GPBP1L1: variants seen among roughly 807,000 people sequenced by gnomAD.
GPBP1L1 encodes GC-rich promoter binding protein 1 like 1.
A neutral mutation model predicts 52.5 loss-of-function variants in GPBP1L1; 23 were observed. The observed-to-expected ratio is 0.44, with a 90% CI of 0.32 to 0.62. The LOEUF is 0.62. Ranked by LOEUF, GPBP1L1 falls within the 20% of genes least tolerant of loss-of-function variation. The probability of loss-of-function intolerance (pLI) is 0.06; values close to 1 mark genes in which losing one functional copy is unlikely to be tolerated. For missense variants in GPBP1L1, 596 were observed against 579.3 expected (o/e 1.03, Z -0.30); for synonymous variants, 243 against 203.1 (o/e 1.20, Z -1.67).
At chr1:45,642,891 A>T (rs1330192563) in intron 6 of GPBP1L1, among the ~76,000 whole-genome samples, 1 of 152,242 alleles carries the variant, frequency 6.6e-6, no homozygotes, top group African/African-American at 2.4e-5. Context: ...TGAAATGTAT[A>T]GTATTCACTG....
rs1022572162 is a variant in GPBP1L1, at chr1:45,660,997, G to C, written c.-869C>G. 6.6e-6 allele frequency: 1 copy of C among 152,106 alleles called. No individual in the cohort carries two copies. Among genetic ancestry groups the C allele is most frequent in the Non-Finnish European group, 1.5e-5 (1 of 68,028 alleles). The allele number at this position is 152,106 out of a possible 1,614,324, so 9.4% of individuals were successfully genotyped here. A position where few individuals can be genotyped will look rare whatever the true frequency, so the allele number is the denominator to read the frequency against. On this transcript the variant is annotated 5_prime_UTR_variant, in exon 3 of 13. Transcript: ENST00000355105. ...GCAAAGTTAAAACATTAGAACGATG[G>C]GTAGGATGGATATTAAGAAATAGTC...
intron 8 of GPBP1L1, among the ~76,000 whole-genome samples, chr1:45,636,935 T>C (rs1232746517): frequency 2.6e-5 from 4 of 152,190 alleles, no homozygotes; most frequent in Admixed American, 6.5e-5. Flanking sequence ...CTATCACTTA[T>C]TAGCTATGTA....
intron 2 of GPBP1L1, among the ~76,000 whole-genome samples, chr1:45,674,742 T>C (rs150393355): frequency 1.4e-4 from 22 of 152,348 alleles, no homozygotes; most frequent in African/African-American, 5.1e-4. Flanking sequence ...TGCCAGATGA[T>C]TCTGCCCAAC....
chr1:45,655,190 C>T lies in GPBP1L1; in HGVS notation c.190G>A (p.Asp64Asn), dbSNP rs745524126. The change falls in exon 5 of 13, where the codon GAT becomes AAT. Residue 64 changes from aspartate to asparagine, a missense_variant and splice_region_variant. Asp to Asn is a conservative substitution (Grantham distance 23). Transcript: ENST00000355105. ...GTCATGAAAGTTGGACATGGCTCAC[C>T]TCCTGCAGTTCGTAGGGGACCATTG... is the stretch of plus-strand genomic sequence containing the variant. ...FNNGPLRTAG[D>N]SWHQPSLFRH... 1 of 1,614,058 alleles carries T rather than the reference C, an allele frequency of 6.2e-7. No homozygotes were observed. Among genetic ancestry groups the T allele is most frequent in the Non-Finnish European group, 8.5e-7 (1 of 1,179,982 alleles).
At chr1:45,684,384 T>C (rs930309220) in intron 2 of GPBP1L1, among the ~76,000 whole-genome samples, 1 of 151,816 alleles carries the variant, frequency 6.6e-6, no homozygotes, top group Non-Finnish European at 1.5e-5. Flanking sequence ...AATAAAGATA[T>C]GCAATCTTCT....
intron 11 of GPBP1L1, 90 bp downstream of exon 11, chr1:45,630,392 G>A (rs1557692636): frequency 2.8e-6 from 4 of 1,448,880 alleles, no homozygotes; most frequent in East Asian, 4.6e-5. Context: ...CTCTGCATGT[G>A]GGACCTATCT....
intron 2 of GPBP1L1, among the ~76,000 whole-genome samples, chr1:45,664,923 C>T (rs1303248775): frequency 6.6e-6 from 1 of 152,048 alleles, no homozygotes; most frequent in Non-Finnish European, 1.5e-5. Flanking sequence ...AAATGATCCA[C>T]CGCCTGGGCC....
intron 2 of GPBP1L1, among the ~76,000 whole-genome samples, chr1:45,670,781 A>G (rs1011591845): frequency 4.9e-5 from 7 of 144,234 alleles, no homozygotes; most frequent in Non-Finnish European, 7.5e-5. Flanking sequence ...CACTACTACC[A>G]TATGTCTTTT....
At chr1:45,642,390 T>C in intron 7 of GPBP1L1, 37 bp downstream of exon 7, 1 of 1,451,402 alleles carries the variant, frequency 6.9e-7, no homozygotes, top group Non-Finnish European at 9.6e-7. Flanking sequence ...AGAAAAAATT[T>C]TAAAGTTGTG....
rs543664827 is a variant in GPBP1L1, at chr1:45,682,769, A to C, written c.-1098+2807T>G. 8.2e-4 allele frequency among the ~76,000 whole-genome samples: 125 copies of C among 152,338 alleles called. 2 individuals are homozygous for C. The South Asian group carries it at 0.025, about 31-fold the overall frequency. On this transcript the variant is annotated intron_variant, in intron 2 of 12. Transcript: ENST00000355105. Reference sequence around the variant, plus strand: ...CACCTATAAAAATTCAATTTACATAACATTAGAAATATATCTACCTCAGTT... The same window carrying C: ...CACCTATAAAAATTCAATTTACATACCATTAGAAATATATCTACCTCAGTT...
intron 7 of GPBP1L1, among the ~76,000 whole-genome samples, chr1:45,642,128 A>T (rs763024883): frequency 1.2e-4 from 18 of 152,310 alleles, no homozygotes; most frequent in Middle Eastern, 3.4e-3. Flanking sequence ...ACAGAATGAG[A>T]CTGTCTCAAA....
At chr1:45,674,807 G>C (rs952969367) in intron 2 of GPBP1L1, among the ~76,000 whole-genome samples, 9 of 152,234 alleles carry the variant, frequency 5.9e-5, no homozygotes, top group African/African-American at 1.9e-4. Flanking sequence ...GCTAAGCTAT[G>C]ATGCTTCGTA....
At chr1:45,630,243 G>A (rs567758514) in intron 11 of GPBP1L1, among the ~76,000 whole-genome samples, 2 of 152,262 alleles carry the variant, frequency 1.3e-5, no homozygotes, top group African/African-American at 2.4e-5. Context: ...GAGCCACTGC[G>A]CCCGGCCTGA....
At chr1:45,645,943 C>G (rs879194715) in intron 6 of GPBP1L1, 3 of 495,316 alleles carry the variant, frequency 6.1e-6, no homozygotes. Context: ...ATTGTTCTGC[C>G]GTTTTTCTAG....
chr1:45,676,507 A>G (rs113828697), intron 2 of GPBP1L1, among the ~76,000 whole-genome samples: 43,372 of 151,378 alleles, frequency 0.29, 6,333 homozygotes, highest in South Asian at 0.37. Flanking sequence ...TCAGGAGATC[A>G]AGACCATCCT....
chr1:45,672,786 T>C (rs752416673), intron 2 of GPBP1L1, among the ~76,000 whole-genome samples: 1 of 152,060 alleles, frequency 6.6e-6, no homozygotes, highest in Non-Finnish European at 1.5e-5. Context: ...AGCAGAAACA[T>C]GTTTCAAGAA....
intron 2 of GPBP1L1, among the ~76,000 whole-genome samples, chr1:45,668,655 TCAAAAA>T (rs1252738997): frequency 6.6e-6 from 1 of 152,052 alleles, no homozygotes; most frequent in Non-Finnish European, 1.5e-5. Flanking sequence ...AGACTCTGTC[TCAAAAA>T]CAAAAACAAA....
At position 45,633,573 on chromosome 1, in the gene GPBP1L1, G is replaced by A. The variant is rs1644557555; in HGVS notation, c.960C>T (p.Asp320=). 1.2e-6 allele frequency: 2 copies of A among 1,613,744 alleles called. No individual in the cohort carries two copies. The highest frequency in any genetic ancestry group is 2.7e-5 in the African/African-American group (2 of 74,882). The change falls in exon 10 of 13, where the codon GAC becomes GAT. Residue 320 remains aspartate (D), a synonymous_variant. Transcript: ENST00000355105. The stretch of plus-strand genomic sequence containing the variant: ...GAGTTTTCAGGAACTCACTCTTCCT[G>A]TCGGTGGTTCGGCGGGTCAACTTGG... ...RLTKLTRRTT[D]RKSEFLKTLK...
intron 6 of GPBP1L1, among the ~76,000 whole-genome samples, chr1:45,652,175 A>G (rs1419138697): frequency 6.6e-6 from 1 of 152,234 alleles, no homozygotes; most frequent in Middle Eastern, 3.2e-3. Flanking sequence ...GACAACAAAG[A>G]TGTCTCCATA....
Sources: allele counts gnomAD v4.1 joint callset (sites outside exome capture counted in the v4.1 genomes callset), GRCh38; gene constraint gnomAD v4.1.1; transcripts MANE v1.5; gene names NCBI Gene and HGNC (gene_info 2026-07-23, HGNC 2026-07-21).